ARHGAP18: variants seen among roughly 807,000 people sequenced by gnomAD.
ARHGAP18 encodes the protein Rho GTPase activating protein 18, also known as rho GTPase-activating protein 18.
A neutral mutation model predicts 86.2 loss-of-function variants in ARHGAP18; 67 were observed. The ratio of observed to expected loss-of-function variants is 0.78; its 90% CI spans 0.64 to 0.95. The LOEUF (loss-of-function observed/expected upper bound fraction) is 0.95, where lower values mean the gene tolerates loss of function less well. ARHGAP18 is among the 40% of genes least tolerant of loss of function. ARHGAP18 has a pLI of 0.00. For missense variants in ARHGAP18, 691 were observed against 780.4 expected (o/e 0.89, Z 1.37); for synonymous variants, 283 against 280.4 (o/e 1.01, Z -0.09).
chr6:129,584,189 G>A, intron 12 of ARHGAP18, 77 bp from the exon 13 acceptor site: 2 of 1,568,452 alleles, frequency 1.3e-6, no homozygotes, highest in East Asian at 2.3e-5. Flanking sequence ...TATATAGTAA[G>A]TGTGCTTAAC....
At chr6:129,620,837 A>G (rs1283263249) in intron 5 of ARHGAP18, among the ~76,000 whole-genome samples, 1 of 152,220 alleles carries the variant, frequency 6.6e-6, no homozygotes, top group African/African-American at 2.4e-5. Flanking sequence ...TATTTTAATA[A>G]TTAGTAATGA....
intron 1 of ARHGAP18, among the ~76,000 whole-genome samples, chr6:129,690,015 T>C (rs753266199): frequency 5.3e-5 from 8 of 152,210 alleles, no homozygotes; most frequent in Non-Finnish European, 1.2e-4. Context: ...ATTATGAGTC[T>C]TATGTTAATC....
chr6:129,625,142 T>A lies in ARHGAP18; in HGVS notation c.786+4211A>T, dbSNP rs1391216862. 5.9e-3 allele frequency among the ~76,000 whole-genome samples: 15 copies of A among 2,554 alleles called. 2 individuals are homozygous for A. The highest frequency in any genetic ancestry group is 0.045 in the East Asian group (4 of 88). The allele number at this position is 2,554 out of a possible 152,430, so 1.7% of individuals were successfully genotyped here. A position where few individuals can be genotyped will look rare whatever the true frequency, so the allele number is the denominator to read the frequency against. On this transcript the variant is annotated intron_variant, in intron 5 of 14. Coordinates refer to ENST00000368149, the MANE Select transcript of ARHGAP18 (RefSeq NM_033515.3). ...AGATATATATTATATATGATATATA[T>A]TATATATTATATAGATATATATTAT...
intron 1 of ARHGAP18, among the ~76,000 whole-genome samples, chr6:129,672,428 T>C (rs1774156970): frequency 6.6e-6 from 1 of 152,216 alleles, no homozygotes; most frequent in South Asian, 2.1e-4. Flanking sequence ...TCATTCAGCA[T>C]TGCTCCCTCA....
Position 129,654,047 on chromosome 6 carries a change from A to G in ARHGAP18, c.114-12029T>C, listed in dbSNP as rs1773776911. ...GACAGAGCGAGACCCTGTCTGGAAAAACATACACACACACACCTCACAAAA... is the reference window on the plus strand; with the variant it reads ...GACAGAGCGAGACCCTGTCTGGAAAGACATACACACACACACCTCACAAAA... On this transcript the variant is annotated intron_variant, in intron 1 of 14. Coordinates refer to ENST00000368149, the MANE Select transcript of ARHGAP18 (RefSeq NM_033515.3). Among the ~76,000 whole-genome samples the G allele has an allele frequency of 2.0e-5, 3 of 152,134 alleles. No homozygotes were observed. The South Asian group carries it at 6.2e-4, about 31-fold the overall frequency.
intron 3 of ARHGAP18, among the ~76,000 whole-genome samples, chr6:129,634,393 C>A (rs543542466): frequency 3.4e-4 from 51 of 152,042 alleles, no homozygotes; most frequent in Admixed American, 3.0e-3. Context: ...GGAGAAAGGA[C>A]AAACATGTTA....
At position 129,662,626 on chromosome 6, in the gene ARHGAP18, A is replaced by C. The variant is rs555169878; in HGVS notation, c.114-20608T>G. Among the ~76,000 whole-genome samples, 3 of 152,336 alleles carry C rather than the reference A, an allele frequency of 2.0e-5. No homozygotes were observed. In the East Asian group the frequency reaches 5.8e-4, roughly 29 times the overall value. On this transcript the variant is annotated intron_variant, in intron 1 of 14. Transcript: ENST00000368149. ...AGCCTTCTTTCTGTTTCACTGTGCA[A>C]GGATTCACAAGCATGACCTTGTAGC...
intron 2 of ARHGAP18, 151 bp from the exon 3 acceptor site, chr6:129,638,780 A>C (rs566657625): frequency 2.4e-4 from 169 of 702,008 alleles, no homozygotes; most frequent in Middle Eastern, 1.4e-3. Flanking sequence ...ACTGCCATAC[A>C]CTCCAGCCAC....
At chr6:129,658,425 A>G (rs1435778761) in intron 1 of ARHGAP18, among the ~76,000 whole-genome samples, 1 of 151,348 alleles carries the variant, frequency 6.6e-6, no homozygotes, top group East Asian at 1.9e-4. Flanking sequence ...TCAAATGGAA[A>G]AAAAAAAAAC....
rs867409361 is a variant in ARHGAP18 at position 129,625,044 on chromosome 6, A to T, written c.786+4309T>A. ...ATGATATATGATATATATTTATATA[A>T]TATATATGATTGATATATATTTATA... is the stretch of plus-strand genomic sequence containing the variant. On this transcript the variant is annotated intron_variant, in intron 5 of 14. Transcript: ENST00000368149. 6.4e-4 allele frequency among the ~76,000 whole-genome samples: 49 copies of T among 76,376 alleles called. 1 individual carries two copies. Among genetic ancestry groups the T allele is most frequent in the Middle Eastern group, 7.2e-3 (1 of 138 alleles). The allele number at this position is 76,376 out of a possible 152,430, so 50.1% of individuals were successfully genotyped here. A position where few individuals can be genotyped will look rare whatever the true frequency, so the allele number is the denominator to read the frequency against.
rs567101169 is a variant in ARHGAP18, at chr6:129,709,288, A to G, written c.113+736T>C. Among the ~76,000 whole-genome samples the G allele has an allele frequency of 1.2e-4, 18 of 144,688 alleles. No homozygotes were observed. The South Asian group carries it at 4.0e-3, about 33-fold the overall frequency. 94.9% of individuals were successfully genotyped at this position (144,688 alleles called of 152,430 possible). On this transcript the variant is annotated intron_variant, in intron 1 of 14. Transcript: ENST00000368149. ...TGAGAAGGTCATTAAGGAGAGAAAG[A>G]AAAAAAAAAGCCCTTGGAAAATGGA...
intron 5 of ARHGAP18, among the ~76,000 whole-genome samples, chr6:129,623,006 CAA>C (rs57274879): frequency 7.8e-3 from 308 of 39,738 alleles, no homozygotes; most frequent in African/African-American, 0.018. Context: ...CATCTCAAAA[CAA>C]AAAAAAAAAA....
intron 12 of ARHGAP18, among the ~76,000 whole-genome samples, chr6:129,585,528 G>GGAAGACCACA (rs1453229106): frequency 6.6e-6 from 1 of 152,148 alleles, no homozygotes; most frequent in Non-Finnish European, 1.5e-5. Flanking sequence ...ATGGGATTGT[G>GGAAGACCACA]GAAGACCACA....
At chr6:129,657,860 G>A (rs537576498) in intron 1 of ARHGAP18, among the ~76,000 whole-genome samples, 4 of 152,294 alleles carry the variant, frequency 2.6e-5, no homozygotes, top group East Asian at 3.9e-4. Context: ...AAAAGAGACC[G>A]ACATTTATTA....
intron 1 of ARHGAP18, among the ~76,000 whole-genome samples, chr6:129,642,253 AT>A (rs1396067132): frequency 1.3e-5 from 2 of 152,148 alleles, no homozygotes; most frequent in Non-Finnish European, 2.9e-5. Flanking sequence ...ATGGTAAATT[AT>A]TTTTCCATTT....
chr6:129,671,319 A>G (rs1774137356), intron 1 of ARHGAP18, among the ~76,000 whole-genome samples: 1 of 152,226 alleles, frequency 6.6e-6, no homozygotes, highest in Non-Finnish European at 1.5e-5. Context: ...CACATTTGGA[A>G]AAAAATAAGA....
intron 13 of ARHGAP18, among the ~76,000 whole-genome samples, chr6:129,583,208 A>G (rs575210889): frequency 1.1e-4 from 16 of 152,324 alleles, no homozygotes; most frequent in African/African-American, 3.6e-4. Context: ...CTGTTTTTAA[A>G]CATTTAGTTT....
Position 129,609,005 on chromosome 6 carries a change from GAA to G in ARHGAP18, c.1123-955_1123-954del, listed in dbSNP as rs75073976. Among the ~76,000 whole-genome samples the G allele has an allele frequency of 4.9e-5, 7 of 141,844 alleles. No homozygotes were observed. The South Asian group carries it at 6.8e-4, about 14-fold the overall frequency. 93.1% of individuals were successfully genotyped at this position (141,844 alleles called of 152,430 possible). On this transcript the variant is annotated intron_variant, in intron 8 of 14. Transcript: ENST00000368149. ...GAGGGAGTGAGAAAAGGAGGAAGAG[GAA>G]AAAAAAAAGAGGAGGGAGGAAAAGA...
chr6:129,626,506 G>C (rs1789476179), intron 5 of ARHGAP18, among the ~76,000 whole-genome samples: 1 of 151,898 alleles, frequency 6.6e-6, no homozygotes, highest in Admixed American at 6.6e-5. Context: ...GAAATTTCAA[G>C]AAAAGCAATC....
Sources: gnomAD v4.1 joint callset for allele counts (sites outside exome capture counted in the v4.1 genomes callset) on GRCh38, gnomAD v4.1.1 for gene constraint, MANE v1.5 for transcripts, NCBI Gene and HGNC (gene_info 2026-07-23, HGNC 2026-07-21) for gene names.